The following BRI3BP variants were observed in gnomAD, a reference collection of about 807,000 sequenced individuals.
The protein encoded by BRI3BP is BRI3 binding protein, also known as BRI3-binding protein.
In BRI3BP, 7 loss-of-function variants were observed where a neutral mutation model predicts 15.8. The ratio of observed to expected loss-of-function variants is 0.44; its 90% CI spans 0.25 to 0.83. The LOEUF is 0.83. BRI3BP is among the 40% of genes least tolerant of loss of function. BRI3BP has a pLI of 0.20. For missense variants in BRI3BP, 320 were observed against 339.3 expected (o/e 0.94, Z 0.45); for synonymous variants, 192 against 163.5 (o/e 1.17, Z -1.33).
At position 125,029,571 on chromosome 12, in the gene BRI3BP, T is replaced by TATAC. The variant is rs1555218299; in HGVS notation, c.*4144_*4145insCATA. On this transcript the variant is annotated 3_prime_UTR_variant, in exon 3 of 3. Coordinates refer to ENST00000341446, the MANE Select transcript of BRI3BP (RefSeq NM_080626.6). ...GTGTGTGTGTGTGTATATATATGTA[T>TATAC]ATATATATACACACACACACACTTT... 1.4e-5 allele frequency: 2 copies of TATAC among 144,010 alleles called. No individual in the cohort carries two copies. Among genetic ancestry groups the TATAC allele is most frequent in the South Asian group, 2.1e-4 (1 of 4,666 alleles). The allele number at this position is 144,010 out of a possible 1,614,324, so 8.9% of individuals were successfully genotyped here.
the BRI3BP span, among the ~76,000 whole-genome samples, chr12:125,036,900 G>T: frequency 2.6e-5 from 4 of 152,110 alleles, no homozygotes; most frequent in Non-Finnish European, 1.5e-5. Flanking sequence ...CAGGGAGAAG[G>T]CTATCACCAA....
chr12:125,009,175 T>G (rs1955174045), intron 1 of BRI3BP, among the ~76,000 whole-genome samples: 1 of 151,704 alleles, frequency 6.6e-6, no homozygotes, highest in African/African-American at 2.4e-5. Context: ...GAGATGGGGT[T>G]TCAGCATGTT....
Position 125,025,250 on chromosome 12 carries a change from G to A in BRI3BP, c.576G>A (p.Val192=), listed in dbSNP as rs760422505. The A allele has an allele frequency of 6.2e-7, 1 of 1,614,116 alleles. No homozygotes were observed. The highest frequency in any genetic ancestry group is 1.1e-5 in the South Asian group (1 of 91,084). ...CGGTGCTGCCGCTGTGCTTCGTGGT[G>A]GCCGTCTACTTCATGACCGGGCCCA... ...ENAVLPLCFV[V]AVYFMTGPMG... is the part of the protein sequence containing the mutation. Residue 192 remains valine (V), a synonymous_variant, in exon 3 of 3, where the codon GTG becomes GTA. Coordinates refer to ENST00000341446, the MANE Select transcript of BRI3BP (RefSeq NM_080626.6).
chr12:125,046,529 C>T, the BRI3BP span, among the ~76,000 whole-genome samples: 1,423 of 152,114 alleles, frequency 9.4e-3, 32 homozygotes, highest in African/African-American at 0.033. Context: ...CACACCACTG[C>T]ACTCCAGCCT....
Position 125,012,556 on chromosome 12 carries a change from G to C in BRI3BP, c.236G>C (p.Arg79Thr). 6.2e-7 allele frequency: 1 copy of C among 1,612,494 alleles called. No individual in the cohort carries two copies. Among genetic ancestry groups the C allele is most frequent in the East Asian group, 2.2e-5 (1 of 44,856 alleles). ...AQKFLARLTE[R>T]FVLGVDMFVE... ...CAGTTCTTGGCCAGGCTGACTGAGA[G>C]ATTTGTGCTGGGAGTGGATATGTTC... The change falls in exon 2 of 3, where the codon AGA (arginine) becomes ACA (threonine). Residue 79 changes from arginine (R) to threonine (T), a missense_variant. By Grantham distance (71) the Arg-to-Thr change is moderately conservative. Transcript: ENST00000341446.
At chr12:125,024,243 A>G (rs536828457) in intron 2 of BRI3BP, among the ~76,000 whole-genome samples, 117 of 133,670 alleles carry the variant, frequency 8.8e-4, no homozygotes, top group Non-Finnish European at 1.6e-3. Flanking sequence ...CACTTAAACC[A>G]TCAGATCTCA....
intron 1 of BRI3BP, among the ~76,000 whole-genome samples, chr12:124,997,027 A>G (rs770826126): frequency 2.0e-5 from 3 of 149,630 alleles, no homozygotes; most frequent in Non-Finnish European, 3.0e-5. Flanking sequence ...CCAAAGTGCT[A>G]TGATTAGAGG....
At position 125,029,922 on chromosome 12, in the gene BRI3BP, A is replaced by C. The variant is rs1279012572; in HGVS notation, c.*4492A>C. 6.6e-6 allele frequency: 1 copy of C among 152,268 alleles called. No homozygotes were observed. 9.4% of individuals were successfully genotyped at this position (152,268 alleles called of 1,614,324 possible). On this transcript the variant is annotated 3_prime_UTR_variant, in exon 3 of 3. Coordinates refer to ENST00000341446, the MANE Select transcript of BRI3BP (RefSeq NM_080626.6). ...GAGTAAGAACGCAAAGGTTTGGGTC[A>C]GTGATTAGGAAGACTATAATATGAC...
the BRI3BP span, among the ~76,000 whole-genome samples, chr12:125,038,280 G>A: frequency 6.0e-5 from 9 of 150,828 alleles, no homozygotes; most frequent in East Asian, 5.8e-4. Context: ...AAAGTTCACC[G>A]TTCTGTTCCA....
rs978633688 is a variant in BRI3BP, at chr12:125,029,813, G to A, written c.*4383G>A. On this transcript the variant is annotated 3_prime_UTR_variant, in exon 3 of 3. Transcript: ENST00000341446. ...AGAGCCTGTCTCATGCAGGAGTCGG[G>A]AGGCAGCGATGTCAGGGAACTGGGA... The A allele has an allele frequency of 6.6e-6, 1 of 152,374 alleles. No homozygotes were observed. The highest frequency in any genetic ancestry group is 2.4e-5 in the African/African-American group (1 of 41,446). The allele number at this position is 152,374 out of a possible 1,614,324, so 9.4% of individuals were successfully genotyped here.
At position 124,993,933 on chromosome 12, in the gene BRI3BP, G is replaced by A; in HGVS notation, c.143G>A (p.Arg48His). 7 of 1,351,610 alleles carry A rather than the reference G, an allele frequency of 5.2e-6. No individual in the cohort carries two copies. The highest frequency in any genetic ancestry group is 2.2e-4 in the Middle Eastern group (1 of 4,470). 83.7% of individuals were successfully genotyped at this position (1,351,610 alleles called of 1,614,324 possible). Reference sequence around the variant, plus strand: ...GGCGCGGAGAAGAACAGCTACCGCCGCACGGTCAACACCTTCTCCCAGAGC... The same window carrying A: ...GGCGCGGAGAAGAACAGCTACCGCCACACGGTCAACACCTTCTCCCAGAGC... Reference protein sequence around the residue: ...RGGAEKNSYRRTVNTFSQSVS... With the variant: ...RGGAEKNSYRHTVNTFSQSVS... Residue 48 changes from arginine (R) to histidine (H), a missense_variant, in exon 1 of 3, where the codon CGC becomes CAC. Coordinates refer to ENST00000341446, the MANE Select transcript of BRI3BP (RefSeq NM_080626.6).
chr12:125,044,091 A>T, the BRI3BP span, among the ~76,000 whole-genome samples: 4 of 151,758 alleles, frequency 2.6e-5, no homozygotes, highest in African/African-American at 9.7e-5. Context: ...TTCAACACAA[A>T]TTGACGATGT....
rs537650811 is a variant in BRI3BP, at chr12:125,030,720, A to G, written c.*5290A>G. ...CTGCATGTGTGTTTAATCTCTGAAT[A>G]CCATGTAATTAAACTGATTAACTTG... is the stretch of plus-strand genomic sequence containing the variant. On this transcript the variant is annotated 3_prime_UTR_variant, in exon 3 of 3. Coordinates refer to ENST00000341446, the MANE Select transcript of BRI3BP (RefSeq NM_080626.6). 6.6e-6 allele frequency: 1 copy of G among 152,224 alleles called. No homozygotes were observed. The highest frequency in any genetic ancestry group is 1.5e-5 in the Non-Finnish European group (1 of 68,040). The allele number at this position is 152,224 out of a possible 1,614,324, so 9.4% of individuals were successfully genotyped here.
At chr12:125,048,480 C>T in the BRI3BP span, among the ~76,000 whole-genome samples, 3 of 151,686 alleles carry the variant, frequency 2.0e-5, no homozygotes, top group Non-Finnish European at 2.9e-5. Flanking sequence ...CATGTTCTCA[C>T]TCAGATGGGA....
chr12:125,003,977 AC>A (rs1431566796), intron 1 of BRI3BP, among the ~76,000 whole-genome samples: 115 of 151,072 alleles, frequency 7.6e-4, no homozygotes, highest in East Asian at 7.8e-4. Context: ...ACACACACAC[AC>A]ACACACACAC....
At chr12:125,000,933 T>C (rs959034982) in intron 1 of BRI3BP, among the ~76,000 whole-genome samples, 5 of 152,242 alleles carry the variant, frequency 3.3e-5, no homozygotes, top group Admixed American at 2.0e-4. Flanking sequence ...AAATTGTCTT[T>C]ATAGCTCATA....
chr12:125,038,303 G>A, the BRI3BP span, among the ~76,000 whole-genome samples: 1 of 151,862 alleles, frequency 6.6e-6, no homozygotes, highest in African/African-American at 2.4e-5. Context: ...AAAAAACAAG[G>A]GAAGGGGATG....
the BRI3BP span, among the ~76,000 whole-genome samples, chr12:125,049,695 G>A: frequency 6.6e-6 from 1 of 152,182 alleles, no homozygotes. Context: ...TGGGAGGTGC[G>A]GCCTATGAAC....
At position 124,993,660 on chromosome 12, in the gene BRI3BP, G is replaced by A. The variant is rs1955013683; in HGVS notation, c.-131G>A. 5.2e-6 allele frequency: 2 copies of A among 384,422 alleles called. No individual in the cohort carries two copies. The highest frequency in any genetic ancestry group is 7.1e-6 in the Non-Finnish European group (2 of 283,110). The allele number at this position is 384,422 out of a possible 1,614,324, so 23.8% of individuals were successfully genotyped here. ...GGGCGGGGCAGGTGGCGCAGCAGCG[G>A]CGGCGGCGGCTGTGGGTAAAGGCGC... On this transcript the variant is annotated 5_prime_UTR_variant, in exon 1 of 3. Transcript: ENST00000341446.
Sources: allele counts gnomAD v4.1 joint callset (sites outside exome capture counted in the v4.1 genomes callset), GRCh38; gene constraint gnomAD v4.1.1; transcripts MANE v1.5; gene names NCBI Gene and HGNC (gene_info 2026-07-23, HGNC 2026-07-21).